Variants in TMEM94 observed in about 807,000 individuals in gnomAD.
The protein encoded by TMEM94 is transmembrane protein 94.
Under a neutral mutation model 158.6 loss-of-function variants are expected in TMEM94, and 81 were observed. The observed-to-expected ratio is 0.51, with a 90% confidence interval of 0.43 to 0.61. TMEM94 has a LOEUF of 0.61. TMEM94 is among the 20% of genes least tolerant of loss of function. The pLI, the probability that TMEM94 is intolerant of heterozygous loss-of-function variation, is 0.00. For missense variants in TMEM94, 1,435 were observed against 1,762.0 expected (o/e 0.81, Z 3.32); for synonymous variants, 751 against 730.7 (o/e 1.03, Z -0.45).
intron 1 of TMEM94, among the ~76,000 whole-genome samples, chr17:75,460,838 A>G (rs1012364932): frequency 6.6e-6 from 1 of 152,130 alleles, no homozygotes; most frequent in Non-Finnish European, 1.5e-5. Flanking sequence ...AATACATAGT[A>G]TAACATTTTC....
At chr17:75,458,487 A>G (rs937783117) in intron 1 of TMEM94, among the ~76,000 whole-genome samples, 2 of 151,002 alleles carry the variant, frequency 1.3e-5, no homozygotes, top group Non-Finnish European at 3.0e-5. Flanking sequence ...GGACTGCTTG[A>G]GCCCAGGAGT....
At position 75,494,664 on chromosome 17, in the gene TMEM94, G is replaced by A. The variant is rs1182455670; in HGVS notation, c.2445G>A (p.Met815Ile). 2 of 1,613,640 alleles carry A rather than the reference G, an allele frequency of 1.2e-6. No homozygotes were observed. Among genetic ancestry groups the A allele is most frequent in the African/African-American group, 1.3e-5 (1 of 74,916 alleles). ...IGEVLEKEDC[M>I]QALSGQIFMG... ...AGGTGCTGGAGAAGGAAGACTGCAT[G>A]CAGGCCCTGAGCGGCCAGATCTTCA... The change falls in exon 19 of 32, where the codon ATG becomes ATA. Residue 815 changes from methionine to isoleucine, a missense_variant. This residue lies in a region of TMEM94 where 1,051 missense variants were observed against 1,254.4 expected (regional missense o/e 0.84). Transcript: ENST00000314256.
Position 75,485,599 on chromosome 17 carries a change from G to A in TMEM94, c.144+52G>A, listed in dbSNP as rs770693437. ...GGCCTGGCTGGGATGGCAGGGAAGTGTGGGAGGCCCCTTCTCAGGACTCTG... is the reference window on the plus strand; with the variant it reads ...GGCCTGGCTGGGATGGCAGGGAAGTATGGGAGGCCCCTTCTCAGGACTCTG... On this transcript the variant is annotated intron_variant, in intron 3 of 31. Coordinates refer to ENST00000314256, the MANE Select transcript of TMEM94 (RefSeq NM_014738.6). This position sits in a 1 kb window ranked among gnomAD's most constrained non-coding sequence, Gnocchi z 5.5. The A allele has an allele frequency of 5.0e-6, 8 of 1,612,124 alleles. No individual in the cohort carries two copies. Among genetic ancestry groups the A allele is most frequent in the Non-Finnish European group, 6.8e-6 (8 of 1,178,626 alleles).
Position 75,456,680 on chromosome 17 carries a change from A to C in TMEM94, c.-178A>C, listed in dbSNP as rs1422962379. 1 of 151,980 alleles carries C rather than the reference A, an allele frequency of 6.6e-6. No homozygotes were observed. Among genetic ancestry groups the C allele is most frequent in the Non-Finnish European group, 1.5e-5 (1 of 68,072 alleles). The allele number at this position is 151,980 out of a possible 1,614,324, so 9.4% of individuals were successfully genotyped here. On this transcript the variant is annotated 5_prime_UTR_variant, in exon 1 of 32. Coordinates refer to ENST00000314256, the MANE Select transcript of TMEM94 (RefSeq NM_014738.6). Reference sequence around the variant, plus strand: ...CGGACATGGCTGCGGCCCCCGGAGGAGGGGACGTGAAGTGAGGAGGGGGTT... The same window carrying C: ...CGGACATGGCTGCGGCCCCCGGAGGCGGGGACGTGAAGTGAGGAGGGGGTT...
At chr17:75,497,700 A>T (rs1437714737) in intron 26 of TMEM94, 81 bp from the exon 27 acceptor site, 1 of 1,157,586 alleles carries the variant, frequency 8.6e-7, no homozygotes, top group East Asian at 2.4e-5. Flanking sequence ...CACGCGCAAG[A>T]CTCCCTAGAG....
Position 75,499,381 on chromosome 17 carries a change from G to T in TMEM94, c.*47G>T, listed in dbSNP as rs1280057727. On this transcript the variant is annotated 3_prime_UTR_variant, in exon 32 of 32. Transcript: ENST00000314256. ...AGTTGCCCCCGTCCCTGGGGCTAAAGCCAGACCCATTTCTGAACAGGGGAG... is the reference window on the plus strand; with the variant it reads ...AGTTGCCCCCGTCCCTGGGGCTAAATCCAGACCCATTTCTGAACAGGGGAG... 2 of 1,547,888 alleles carry T rather than the reference G, an allele frequency of 1.3e-6. No homozygotes were observed. The highest frequency in any genetic ancestry group is 8.9e-7 in the Non-Finnish European group (1 of 1,120,726).
intron 1 of TMEM94, among the ~76,000 whole-genome samples, chr17:75,461,563 C>T (rs930907089): frequency 1.2e-4 from 18 of 152,210 alleles, no homozygotes; most frequent in African/African-American, 4.3e-4. Flanking sequence ...ATTCCCTAGC[C>T]ACTCAGTTCC....
intron 1 of TMEM94, among the ~76,000 whole-genome samples, chr17:75,464,173 C>G (rs1262281955): frequency 6.6e-6 from 1 of 152,138 alleles, no homozygotes; most frequent in Non-Finnish European, 1.5e-5. Context: ...GCTACTGTTG[C>G]CAGCTTTGTC....
chr17:75,464,492 A>G (rs984095520), intron 1 of TMEM94, among the ~76,000 whole-genome samples: 6 of 151,962 alleles, frequency 3.9e-5, no homozygotes, highest in African/African-American at 1.5e-4. Context: ...AAACAAACAA[A>G]CAAACAAACC....
Position 75,492,777 on chromosome 17 carries a change from G to C in TMEM94, c.1900G>C (p.Ala634Pro). The change falls in exon 15 of 32, where the codon GCC (alanine) becomes CCC (proline). Residue 634 changes from alanine (A) to proline (P), a missense_variant. By Grantham distance (27) the Ala-to-Pro change is conservative. Around this residue, in one of 3 missense-constraint regions of TMEM94, gnomAD observed 1,051 missense variants for 1,254.4 expected, o/e 0.84. Transcript: ENST00000314256. The surrounding 1 kb of genome is among the most constrained non-coding windows in gnomAD (Gnocchi z 4.4). ...TGTGCCCTGGGGCCTCTGCGAGCTT[G>C]CCCGCCTCATTGGTACAGGTCCCCA... Reference protein sequence around the residue: ...VHVPWGLCELARLIGFTPGAK... With the variant: ...VHVPWGLCELPRLIGFTPGAK... 6.2e-7 allele frequency: 1 copy of C among 1,605,768 alleles called. No individual in the cohort carries two copies. Among genetic ancestry groups the C allele is most frequent in the Non-Finnish European group, 8.5e-7 (1 of 1,178,836 alleles).
chr17:75,499,261 G>T lies in TMEM94; in HGVS notation c.3999-1G>T. ...TGTACTTTAATCTCCTGCCCCACCA[G>T]GGTCCGAGTCCGCTACCAGAAGCGA... On this transcript the variant is annotated splice_acceptor_variant, in intron 31 of 31. Coordinates refer to ENST00000314256, the MANE Select transcript of TMEM94 (RefSeq NM_014738.6). LOFTEE classifies it high-confidence loss of function. The T allele has an allele frequency of 6.2e-7, 1 of 1,613,632 alleles. No individual in the cohort carries two copies. Among genetic ancestry groups the T allele is most frequent in the Non-Finnish European group, 8.5e-7 (1 of 1,179,964 alleles).
chr17:75,496,203 G>C, intron 23 of TMEM94, 79 bp from the exon 24 acceptor site: 1 of 1,590,446 alleles, frequency 6.3e-7, no homozygotes, highest in Non-Finnish European at 8.6e-7. Flanking sequence ...ATGCACCTGG[G>C]CATGGTGGGA....
At chr17:75,486,574 C>G in intron 5 of TMEM94, 148 bp downstream of exon 5, 1 of 998,192 alleles carries the variant, frequency 1.0e-6, no homozygotes, top group Admixed American at 2.4e-5. Flanking sequence ...GAAGGATGCC[C>G]ACTCTCTTTT....
chr17:75,499,524 G>A lies in TMEM94; in HGVS notation c.*190G>A. 1.6e-6 allele frequency: 1 copy of A among 616,406 alleles called. No homozygotes were observed. Among genetic ancestry groups the A allele is most frequent in the Non-Finnish European group, 2.8e-6 (1 of 350,972 alleles). The allele number at this position is 616,406 out of a possible 1,614,324, so 38.2% of individuals were successfully genotyped here. A position where few individuals can be genotyped will look rare whatever the true frequency, so the allele number is the denominator to read the frequency against. On this transcript the variant is annotated 3_prime_UTR_variant, in exon 32 of 32. Transcript: ENST00000314256. ...GGGGCTCACTGTGGAGGAGCTGACGGCCTGGGCCCTTGGCCAGTCCTGGCT... is the reference window on the plus strand; with the variant it reads ...GGGGCTCACTGTGGAGGAGCTGACGACCTGGGCCCTTGGCCAGTCCTGGCT...
intron 4 of TMEM94, 100 bp from the exon 5 acceptor site, chr17:75,486,190 C>T: frequency 6.5e-7 from 1 of 1,546,972 alleles, no homozygotes. Flanking sequence ...GACAGTCTTT[C>T]CACAAGGGAC....
In TMEM94 at chr17:75,498,360, C is replaced by T. The variant is rs767656772; in HGVS notation, c.3638+37C>T. The T allele has an allele frequency of 2.4e-5, 39 of 1,612,568 alleles. No individual in the cohort carries two copies. Among genetic ancestry groups the T allele is most frequent in the Non-Finnish European group, 5.9e-6 (7 of 1,179,654 alleles). ...CCCCAGAGATCCACCCATCGCCTGC[C>T]TCGCCTCGAGGCTTCCTCCCTCCCC... On this transcript the variant is annotated intron_variant, in intron 28 of 31. Transcript: ENST00000314256. The surrounding 1 kb of genome is among the most constrained non-coding windows in gnomAD (Gnocchi z 6.7).
At chr17:75,474,092 G>A (rs1043109058) in intron 2 of TMEM94, among the ~76,000 whole-genome samples, 1 of 152,154 alleles carries the variant, frequency 6.6e-6, no homozygotes, top group Non-Finnish European at 1.5e-5. Flanking sequence ...CAGCCTGGGC[G>A]ACAGAGCAAG....
intron 2 of TMEM94, among the ~76,000 whole-genome samples, chr17:75,474,775 G>A (rs2050617421): frequency 6.6e-6 from 1 of 152,212 alleles, no homozygotes; most frequent in Non-Finnish European, 1.5e-5. Context: ...GCTCAGGAGC[G>A]GTTTAGCTCT....
intron 1 of TMEM94, among the ~76,000 whole-genome samples, chr17:75,463,483 C>T (rs533335581): frequency 2.0e-5 from 3 of 151,986 alleles, no homozygotes; most frequent in South Asian, 2.1e-4. Context: ...GTGTGTGATG[C>T]GCAACTGAAC....
Sources: allele counts gnomAD v4.1 joint callset (sites outside exome capture counted in the v4.1 genomes callset), GRCh38; gene constraint gnomAD v4.1.1; regional missense constraint gnomAD v4.1.1; non-coding constraint Gnocchi (gnomAD v3.1); transcripts MANE v1.5; gene names NCBI Gene and HGNC (gene_info 2026-07-23, HGNC 2026-07-21).